TDRD3: variants seen among roughly 807,000 people sequenced by gnomAD.
TDRD3 encodes tudor domain containing 3.
A neutral mutation model predicts 86.7 loss-of-function variants in TDRD3; 45 were observed. That is an observed-to-expected ratio of 0.52 (90% CI 0.41 to 0.67). TDRD3 has a LOEUF of 0.67. TDRD3 is among the 30% of genes least tolerant of loss of function. TDRD3 has a pLI of 0.00. For missense variants in TDRD3, 814 were observed against 889.0 expected, an observed-to-expected ratio of 0.92 and a Z score of 1.07; for synonymous variants, 298 against 301.7, an observed-to-expected ratio of 0.99 and a Z score of 0.13.
rs537693234 is a variant in TDRD3 at position 60,399,059 on chromosome 13, C to T, written c.41+1654C>T. 2.0e-5 allele frequency among the ~76,000 whole-genome samples: 3 copies of T among 152,256 alleles called. No homozygotes were observed. The East Asian group carries it at 5.8e-4, about 29-fold the overall frequency. On this transcript the variant is annotated intron_variant, in intron 1 of 13. Coordinates refer to ENST00000377881, the MANE Select transcript of TDRD3 (RefSeq NM_001146070.2). Reference sequence around the variant, plus strand: ...AGTCTCATTTTTTAGGTCCCGAACACGTGTTGACTTTGTTTTCTCTGGCCT... The same window carrying T: ...AGTCTCATTTTTTAGGTCCCGAACATGTGTTGACTTTGTTTTCTCTGGCCT...
rs182351058 is a variant in TDRD3, at chr13:60,409,154, A to G, written c.41+11749A>G. Among the ~76,000 whole-genome samples, 31 of 152,388 alleles carry G rather than the reference A, an allele frequency of 2.0e-4. No homozygotes were observed. In the Middle Eastern group the frequency reaches 0.01, roughly 50 times the overall value. ...TTGAGCCTGTGGGGGCACAAAGTCA[A>G]GAATTCAGGTTTGAGAATCTCTACC... On this transcript the variant is annotated intron_variant, in intron 1 of 13. Transcript: ENST00000377881.
At chr13:60,424,648 G>C (rs1469584360) in intron 1 of TDRD3, among the ~76,000 whole-genome samples, 1 of 152,142 alleles carries the variant, frequency 6.6e-6, no homozygotes, top group East Asian at 1.9e-4. Flanking sequence ...CTGTACCCCA[G>C]CCTGCGCAAC....
chr13:60,529,338 TC>T, intron 11 of TDRD3, 121 bp downstream of exon 11: 1 of 1,086,990 alleles, frequency 9.2e-7, no homozygotes, highest in Non-Finnish European at 1.3e-6. Context: ...CTGTTTAAAA[TC>T]TTTGAACAGA....
intron 1 of TDRD3, among the ~76,000 whole-genome samples, chr13:60,405,168 C>A (rs1286333225): frequency 6.6e-6 from 1 of 152,130 alleles, no homozygotes; most frequent in African/African-American, 2.4e-5. Flanking sequence ...AGGGTTTCAC[C>A]ATGTTGGCCA....
chr13:60,494,633 ATTCT>A (rs1420060842), intron 8 of TDRD3, 58 bp downstream of exon 8: 1 of 1,532,530 alleles, frequency 6.5e-7, no homozygotes, highest in Non-Finnish European at 8.9e-7. Context: ...TGATTCTTTT[ATTCT>A]TTCTTACCAC....
rs537314764 is a variant in TDRD3, at chr13:60,415,604, A to G, written c.41+18199A>G. Among the ~76,000 whole-genome samples the G allele has an allele frequency of 5.3e-5, 8 of 152,312 alleles. No individual in the cohort carries two copies. In the South Asian group the frequency reaches 1.7e-3, roughly 32 times the overall value. On this transcript the variant is annotated intron_variant, in intron 1 of 13. Transcript: ENST00000377881. ...CATTCACACACTTAAAGAATATGAG[A>G]ATTTTGAAGAGTACATTAATTTTTC... is the stretch of plus-strand genomic sequence containing the variant.
intron 5 of TDRD3, among the ~76,000 whole-genome samples, chr13:60,470,459 A>C (rs1260194530): frequency 6.6e-6 from 1 of 151,924 alleles, no homozygotes; most frequent in East Asian, 1.9e-4. Flanking sequence ...TTTTATATTT[A>C]CTTTACACTC....
chr13:60,482,580 A>C (rs532468154), intron 5 of TDRD3, among the ~76,000 whole-genome samples: 3 of 152,324 alleles, frequency 2.0e-5, no homozygotes, highest in African/African-American at 7.2e-5. Context: ...AGCTGTTTGA[A>C]TAGTCTTTGT....
At chr13:60,399,583 G>A (rs942416033) in intron 1 of TDRD3, among the ~76,000 whole-genome samples, 2 of 152,208 alleles carry the variant, frequency 1.3e-5, no homozygotes, top group Non-Finnish European at 2.9e-5. Flanking sequence ...AAAGAGCACT[G>A]GAGGGAAAAT....
chr13:60,424,053 A>G (rs1268073535), intron 1 of TDRD3, among the ~76,000 whole-genome samples: 1 of 151,788 alleles, frequency 6.6e-6, no homozygotes. Context: ...ATGGAGTCTT[A>G]CTCTGTCGCC....
chr13:60,571,599 G>C (rs1958586374), intron 13 of TDRD3, among the ~76,000 whole-genome samples: 1 of 152,174 alleles, frequency 6.6e-6, no homozygotes, highest in Non-Finnish European at 1.5e-5. Flanking sequence ...TTCACTAGGT[G>C]ATGAATGACA....
At chr13:60,550,338 T>C (rs2137895688) in intron 12 of TDRD3, among the ~76,000 whole-genome samples, 1 of 152,218 alleles carries the variant, frequency 6.6e-6, no homozygotes. Flanking sequence ...TGAGGATAAA[T>C]GTCTTGGAAC....
Position 60,510,615 on chromosome 13 carries a change from C to T in TDRD3, c.1016-15C>T. On this transcript the variant is annotated splice_polypyrimidine_tract_variant and intron_variant, in intron 9 of 13. Transcript: ENST00000377881. ...TTGCATATACAGTACATATTTCTTG[C>T]TTTTGCATCTAAAGGTAGAGGAAAA... is the stretch of plus-strand genomic sequence containing the variant. 1 of 1,580,856 alleles carries T rather than the reference C, an allele frequency of 6.3e-7. No homozygotes were observed. Among genetic ancestry groups the T allele is most frequent in the Non-Finnish European group, 8.6e-7 (1 of 1,166,562 alleles).
chr13:60,505,785 A>G (rs1956924028), intron 8 of TDRD3, among the ~76,000 whole-genome samples: 1 of 152,252 alleles, frequency 6.6e-6, no homozygotes, highest in South Asian at 2.1e-4. Flanking sequence ...GATATCAGAG[A>G]TTGAAGATCA....
intron 10 of TDRD3, among the ~76,000 whole-genome samples, chr13:60,520,528 C>T (rs1957266003): frequency 6.6e-6 from 1 of 152,184 alleles, no homozygotes; most frequent in Non-Finnish European, 1.5e-5. Flanking sequence ...CGTTTTCCCT[C>T]TACATTGCTG....
At chr13:60,488,870 C>T (rs986424757) in intron 7 of TDRD3, among the ~76,000 whole-genome samples, 40 of 152,266 alleles carry the variant, frequency 2.6e-4, no homozygotes, top group African/African-American at 7.0e-4. Context: ...CGTGAGCTAC[C>T]ATGCCTGGCC....
chr13:60,508,123 A>T (rs1250738365), intron 8 of TDRD3, among the ~76,000 whole-genome samples: 1 of 152,206 alleles, frequency 6.6e-6, no homozygotes. Context: ...AAGAGAGGAT[A>T]CAAACGAATG....
Position 60,525,131 on chromosome 13 carries a change from C to T in TDRD3, c.1142-3236C>T, listed in dbSNP as rs1462688343. ...AAAACCCCACAATTTTCACTTTCTA[C>T]CTCTGTGAGTTTATTTTACTATATT... On this transcript the variant is annotated intron_variant, in intron 10 of 13. Coordinates refer to ENST00000377881, the MANE Select transcript of TDRD3 (RefSeq NM_001146070.2). Among the ~76,000 whole-genome samples the T allele has an allele frequency of 1.6e-3, 226 of 141,932 alleles. 3 individuals are homozygous for T. Among genetic ancestry groups the T allele is most frequent in the African/African-American group, 5.5e-3 (217 of 39,208 alleles). 93.1% of individuals were successfully genotyped at this position (141,932 alleles called of 152,430 possible).
intron 3 of TDRD3, 36 bp from the exon 4 acceptor site, chr13:60,460,344 C>G: frequency 6.5e-7 from 1 of 1,535,762 alleles, no homozygotes; most frequent in Non-Finnish European, 8.7e-7. Flanking sequence ...AGTTTCATGA[C>G]TAGAAAGTGA....
Sources: gnomAD v4.1 joint callset for allele counts (sites outside exome capture counted in the v4.1 genomes callset) on GRCh38, gnomAD v4.1.1 for gene constraint, MANE v1.5 for transcripts, NCBI Gene and HGNC (gene_info 2026-07-23, HGNC 2026-07-21) for gene names.